PCDH15: variants seen among roughly 807,000 people sequenced by gnomAD.
PCDH15 encodes protocadherin related 15.
PCDH15 carries 129 observed loss-of-function variants against 178.5 expected under a neutral mutation model. The observed-to-expected ratio is 0.72, with a 90% CI of 0.63 to 0.84. The LOEUF is 0.84. PCDH15 is among the 40% of genes least tolerant of loss of function. PCDH15 has a pLI of 0.00. For missense variants in PCDH15, 2,230 were observed against 2,099.9 expected (o/e 1.06, Z -1.21); for synonymous variants, 800 against 732.0 (o/e 1.09, Z -1.50).
chr10:55,301,873 A>C (rs1229420517), intron 1 of PCDH15, among the ~76,000 whole-genome samples: 3 of 152,250 alleles, frequency 2.0e-5, no homozygotes, highest in African/African-American at 7.2e-5. Flanking sequence ...TTGCTTTTGC[A>C]CTTTTGTCAA....
chr10:55,008,436 G>T (rs1839980634), intron 2 of PCDH15, among the ~76,000 whole-genome samples: 1 of 152,038 alleles, frequency 6.6e-6, no homozygotes, highest in African/African-American at 2.4e-5. Flanking sequence ...ACTTGTATAT[G>T]AATTACTTGA....
chr10:54,052,549 C>G (rs568378842), intron 18 of PCDH15, among the ~76,000 whole-genome samples: 24 of 152,116 alleles, frequency 1.6e-4, no homozygotes, highest in Admixed American at 1.6e-3. Flanking sequence ...ACGCCTGTAC[C>G]CTCATTGTAT....
chr10:55,182,800 G>A (rs1003974991), intron 1 of PCDH15, among the ~76,000 whole-genome samples: 10 of 151,974 alleles, frequency 6.6e-5, no homozygotes, highest in African/African-American at 2.4e-4. Context: ...TTAGTTCCGA[G>A]AAATGACTTG....
At chr10:55,377,744 A>G (rs1837434764) in intron 2 of PCDH15, among the ~76,000 whole-genome samples, 1 of 152,144 alleles carries the variant, frequency 6.6e-6, no homozygotes, top group African/African-American at 2.4e-5. Flanking sequence ...AGTACCTAGT[A>G]TAAAAGATAT....
intron 21 of PCDH15, among the ~76,000 whole-genome samples, chr10:53,982,470 G>C (rs890658208): frequency 1.1e-4 from 17 of 151,932 alleles, no homozygotes; most frequent in Admixed American, 6.6e-4. Flanking sequence ...CACATATACA[G>C]CATGGAATAC....
At chr10:55,018,791 TTTG>T (rs1840250371) in intron 2 of PCDH15, among the ~76,000 whole-genome samples, 1 of 152,140 alleles carries the variant, frequency 6.6e-6, no homozygotes, top group Non-Finnish European at 1.5e-5. Flanking sequence ...GCTAGAACAT[TTTG>T]TTGACATTGA....
chr10:55,376,646 G>A (rs1837400724), intron 2 of PCDH15, among the ~76,000 whole-genome samples: 1 of 151,826 alleles, frequency 6.6e-6, no homozygotes, highest in Admixed American at 6.6e-5. Context: ...GATCTTATTG[G>A]CTTATTTCAA....
At chr10:53,936,203 A>C (rs531658583) in intron 25 of PCDH15, among the ~76,000 whole-genome samples, 25 of 152,306 alleles carry the variant, frequency 1.6e-4, no homozygotes, top group African/African-American at 5.5e-4. Flanking sequence ...AAGAGACTTA[A>C]CAGACCTATC....
intron 3 of PCDH15, among the ~76,000 whole-genome samples, chr10:54,806,319 T>G (rs904509548): frequency 3.9e-5 from 6 of 152,140 alleles, no homozygotes; most frequent in Admixed American, 3.9e-4. Context: ...CAACACACAT[T>G]TATTATTTCA....
intron 2 of PCDH15, among the ~76,000 whole-genome samples, chr10:55,148,727 G>A (rs1035438869): frequency 6.6e-6 from 1 of 151,412 alleles, no homozygotes; most frequent in African/African-American, 2.4e-5. Context: ...ACAAAGCACT[G>A]ATAATGTCTG....
intron 3 of PCDH15, among the ~76,000 whole-genome samples, chr10:54,527,008 T>C (rs1157053333): frequency 6.6e-6 from 1 of 152,098 alleles, no homozygotes; most frequent in South Asian, 2.1e-4. Flanking sequence ...GAACAAATAT[T>C]AGGTACAAGC....
chr10:54,392,031 T>C (rs1400834678), intron 3 of PCDH15, among the ~76,000 whole-genome samples: 1 of 152,186 alleles, frequency 6.6e-6, no homozygotes. Flanking sequence ...CATTGTTTAG[T>C]TGTAGTTTCC....
chr10:53,879,533 T>C (rs1170328042), intron 26 of PCDH15, among the ~76,000 whole-genome samples: 1 of 152,142 alleles, frequency 6.6e-6, no homozygotes, highest in Non-Finnish European at 1.5e-5. Context: ...TGCTGAAGGA[T>C]TTACGATGTA....
chr10:54,425,024 A>C (rs571811815), intron 3 of PCDH15, among the ~76,000 whole-genome samples: 30 of 150,430 alleles, frequency 2.0e-4, no homozygotes, highest in Non-Finnish European at 3.1e-4. Flanking sequence ...AAAAAAAAAA[A>C]GAAAAGAAAA....
chr10:53,958,719 G>A (rs2087890959), intron 23 of PCDH15, among the ~76,000 whole-genome samples: 2 of 152,018 alleles, frequency 1.3e-5, no homozygotes, highest in African/African-American at 2.4e-5. Context: ...AGTGCCTCAC[G>A]CCTGTAATCC....
At chr10:54,112,917 G>T (rs1391328883) in intron 15 of PCDH15, among the ~76,000 whole-genome samples, 1 of 152,102 alleles carries the variant, frequency 6.6e-6, no homozygotes, top group African/African-American at 2.4e-5. Flanking sequence ...TAGTTACGTA[G>T]ACTGAAGTTT....
intron 25 of PCDH15, among the ~76,000 whole-genome samples, chr10:53,908,923 C>T (rs2082869285): frequency 6.6e-6 from 1 of 152,174 alleles, no homozygotes; most frequent in South Asian, 2.1e-4. Flanking sequence ...TAAAAACACA[C>T]AAACAATTTT....
chr10:54,981,845 A>G (rs1222685032), intron 2 of PCDH15, among the ~76,000 whole-genome samples: 1 of 151,970 alleles, frequency 6.6e-6, no homozygotes, highest in Non-Finnish European at 1.5e-5. Context: ...GCCCAATCAT[A>G]GCTCACTGCA....
chr10:54,956,335 T>A (rs959454898), intron 2 of PCDH15, among the ~76,000 whole-genome samples: 1 of 151,648 alleles, frequency 6.6e-6, no homozygotes, highest in East Asian at 1.9e-4. Flanking sequence ...TGGTAAACAA[T>A]GAGTTATATA....
Sources: allele counts gnomAD v4.1 joint callset (sites outside exome capture counted in the v4.1 genomes callset), GRCh38; gene constraint gnomAD v4.1.1; transcripts MANE v1.5; gene names NCBI Gene and HGNC (gene_info 2026-07-23, HGNC 2026-07-21).